The following AQP9 variants were observed in gnomAD, a reference collection of about 807,000 sequenced individuals.
AQP9 encodes aquaporin 9.
AQP9 carries 19 observed loss-of-function variants against 23.8 expected under a neutral mutation model. The ratio of observed to expected loss-of-function variants is 0.80; its 90% CI spans 0.56 to 1.17. AQP9 has a LOEUF of 1.17. Among genes scored for constraint, AQP9 ranks in the 50% most tolerant of loss-of-function variants. The probability of loss-of-function intolerance (pLI) is 0.00; values close to 1 mark genes in which losing one functional copy is unlikely to be tolerated. For missense variants in AQP9, 413 were observed against 362.0 expected (o/e 1.14, Z -1.14); for synonymous variants, 153 against 131.5 (o/e 1.16, Z -1.12).
At chr15:58,139,557 C>G (rs1163031096) in intron 1 of AQP9, among the ~76,000 whole-genome samples, 1 of 152,148 alleles carries the variant, frequency 6.6e-6, no homozygotes, top group Non-Finnish European at 1.5e-5. Flanking sequence ...TAAGGATTTC[C>G]TACTCCAGGT....
chr15:58,163,672 G>A (rs556260079), intron 1 of AQP9, among the ~76,000 whole-genome samples: 21 of 152,198 alleles, frequency 1.4e-4, no homozygotes, highest in African/African-American at 3.1e-4. Flanking sequence ...ATATGATAAC[G>A]GGCTGTTTTT....
chr15:58,179,508 G>GAT (rs1555414564), intron 5 of AQP9, among the ~76,000 whole-genome samples, 163 bp downstream of exon 5: 1 of 74,276 alleles, frequency 1.3e-5, no homozygotes, highest in African/African-American at 4.7e-5. Context: ...TTTGTGGTAT[G>GAT]ATGTGTGTGT....
intron 1 of AQP9, among the ~76,000 whole-genome samples, chr15:58,161,423 G>A (rs113245939): frequency 1.3e-5 from 2 of 151,946 alleles, no homozygotes; most frequent in Non-Finnish European, 2.9e-5. Context: ...CTATTTTCTA[G>A]CATTGCTTTC....
intron 1 of AQP9, among the ~76,000 whole-genome samples, chr15:58,157,328 C>T (rs924820248): frequency 9.9e-5 from 15 of 152,110 alleles, no homozygotes; most frequent in Non-Finnish European, 1.9e-4. Flanking sequence ...GATTTGCTTC[C>T]CAGAAAAGTC....
intron 1 of AQP9, chr15:58,155,763 T>C (rs1898242591): frequency 6.6e-6 from 1 of 152,216 alleles, no homozygotes; most frequent in Non-Finnish European, 1.5e-5. Flanking sequence ...TCGCCCCACA[T>C]TAAACCAGAG....
At position 58,184,334 on chromosome 15, in the gene AQP9, AC is replaced by A; in HGVS notation, c.*205del. The A allele has an allele frequency of 1.4e-5, 6 of 416,252 alleles. No individual in the cohort carries two copies. Among genetic ancestry groups the A allele is most frequent in the African/African-American group, 3.9e-5 (1 of 25,404 alleles). 25.8% of individuals were successfully genotyped at this position (416,252 alleles called of 1,614,324 possible). A position where few individuals can be genotyped will look rare whatever the true frequency, so the allele number is the denominator to read the frequency against. On this transcript the variant is annotated 3_prime_UTR_variant, in exon 6 of 6. Transcript: ENST00000219919. The stretch of plus-strand genomic sequence containing the variant: ...TTCTCTACCATTGTCCCCCACCCCC[AC>A]CCCCCAGAATAACGCTGACTGTCCC...
chr15:58,179,924 G>A (rs1356876431), intron 5 of AQP9, among the ~76,000 whole-genome samples: 2 of 152,174 alleles, frequency 1.3e-5, no homozygotes, highest in African/African-American at 4.8e-5. Context: ...GTAACTGCCA[G>A]GGAAGCAGGG....
intron 3 of AQP9, 39 bp from the exon 4 acceptor site, chr15:58,174,879 C>G: frequency 6.4e-7 from 1 of 1,572,222 alleles, no homozygotes; most frequent in Non-Finnish European, 8.8e-7. Flanking sequence ...TCAACTCTTC[C>G]CAGGGAACAC....
At chr15:58,148,577 C>A (rs1898091680) in intron 1 of AQP9, among the ~76,000 whole-genome samples, 1 of 152,228 alleles carries the variant, frequency 6.6e-6, no homozygotes, top group African/African-American at 2.4e-5. Flanking sequence ...GCAACCCCCA[C>A]TCACACACAG....
chr15:58,163,540 G>T (rs904526229), intron 1 of AQP9, among the ~76,000 whole-genome samples: 7 of 152,116 alleles, frequency 4.6e-5, no homozygotes, highest in African/African-American at 1.4e-4. Flanking sequence ...TTATTGTAGA[G>T]TACAAACGCT....
At chr15:58,173,958 G>A (rs1162282731) in intron 3 of AQP9, among the ~76,000 whole-genome samples, 2 of 152,112 alleles carry the variant, frequency 1.3e-5, no homozygotes, top group Non-Finnish European at 2.9e-5. Context: ...ACCTTAGGAA[G>A]TAGAATTTAT....
chr15:58,146,292 T>G lies in AQP9; in HGVS notation c.111+7616T>G, dbSNP rs561078733. 2.0e-5 allele frequency among the ~76,000 whole-genome samples: 3 copies of G among 152,254 alleles called. No homozygotes were observed. The South Asian group carries it at 6.2e-4, about 32-fold the overall frequency. ...TCAACCATTTTTTTCATATTTCTTC[T>G]CTTATTCTCTTAATCCATGCTGAAT... On this transcript the variant is annotated intron_variant, in intron 1 of 5. Transcript: ENST00000219919.
At chr15:58,145,444 GCCAAAGCA>G (rs1416013989) in intron 1 of AQP9, among the ~76,000 whole-genome samples, 2 of 150,302 alleles carry the variant, frequency 1.3e-5, no homozygotes, top group Non-Finnish European at 2.9e-5. Flanking sequence ...CGGAGATTGT[GCCAAAGCA>G]CTCCAGCCTG....
chr15:58,163,087 G>T (rs1048049027), intron 1 of AQP9, among the ~76,000 whole-genome samples: 1 of 152,156 alleles, frequency 6.6e-6, no homozygotes, highest in Admixed American at 6.5e-5. Context: ...GCAGTTGGGT[G>T]GGTTGTGCCG....
rs8024581 is a variant in AQP9 at position 58,172,369 on chromosome 15, A to G, written c.239-699A>G. Among the ~76,000 whole-genome samples, 495 of 152,356 alleles carry G rather than the reference A, an allele frequency of 3.2e-3. 3 individuals carry two copies. The highest frequency in any genetic ancestry group is 9.3e-3 in the African/African-American group (385 of 41,590). On this transcript the variant is annotated intron_variant, in intron 2 of 5. Coordinates refer to ENST00000219919, the MANE Select transcript of AQP9 (RefSeq NM_020980.5). ...AAGCCAGCTGGGGATGTTAGAGACC[A>G]ACCACAGAGCAAACTCTCTATTTGA...
intron 1 of AQP9, among the ~76,000 whole-genome samples, chr15:58,163,566 G>A (rs1235922713): frequency 2.6e-5 from 4 of 152,072 alleles, no homozygotes; most frequent in South Asian, 2.1e-4. Flanking sequence ...TGAACTTCAG[G>A]GGAGAAATAT....
At chr15:58,157,593 T>C (rs1898290258) in intron 1 of AQP9, among the ~76,000 whole-genome samples, 1 of 152,136 alleles carries the variant, frequency 6.6e-6, no homozygotes, top group African/African-American at 2.4e-5. Context: ...CATACTCACT[T>C]CCAGTGTTAG....
At chr15:58,175,857 T>C (rs1267299057) in intron 4 of AQP9, among the ~76,000 whole-genome samples, 3 of 152,226 alleles carry the variant, frequency 2.0e-5, no homozygotes. Flanking sequence ...TTTTTTACTT[T>C]CCACTTTCAT....
chr15:58,165,772 C>A (rs1033307086), intron 1 of AQP9, among the ~76,000 whole-genome samples: 3 of 152,142 alleles, frequency 2.0e-5, no homozygotes, highest in Admixed American at 6.6e-5. Flanking sequence ...CCAAAATATC[C>A]TCTACCAGCT....
Sources: gnomAD v4.1 joint callset for allele counts (sites outside exome capture counted in the v4.1 genomes callset) on GRCh38, gnomAD v4.1.1 for gene constraint, MANE v1.5 for transcripts, NCBI Gene and HGNC (gene_info 2026-07-23, HGNC 2026-07-21) for gene names.